TENM1: variants seen among roughly 807,000 people sequenced by gnomAD.
The protein encoded by TENM1 is teneurin-1.
TENM1 carries 35 observed loss-of-function variants against 174.8 expected under a neutral mutation model. The observed-to-expected ratio is 0.20, with a 90% confidence interval of 0.15 to 0.27. The LOEUF is 0.27. TENM1 is among the 10% of genes least tolerant of loss of function. TENM1 has a pLI of 1.00. For missense variants in TENM1, 1,633 were observed against 2,130.1 expected (o/e 0.77, Z 4.59); for synonymous variants, 781 against 798.7 (o/e 0.98, Z 0.37).
chrX:124,405,362 G>T, intron 26 of TENM1, 96 bp from the exon 30 acceptor site: 1 of 691,977 alleles, frequency 1.4e-6, no homozygotes, highest in Non-Finnish European at 2.2e-6. Flanking sequence ...ACGTTTGGGG[G>T]ATAAGCAGGT....
chrX:124,891,334 G>A (rs1176849918), intron 3 of TENM1, among the ~76,000 whole-genome samples: 1 of 111,373 alleles, frequency 9.0e-6, no homozygotes, highest in Non-Finnish European at 1.9e-5. Context: ...AATGATAAAT[G>A]CTTGAGGTGA....
chrX:124,880,593 T>C (rs1260256256), intron 3 of TENM1, among the ~76,000 whole-genome samples: 1 of 112,246 alleles, frequency 8.9e-6, no homozygotes, highest in Non-Finnish European at 1.9e-5. Flanking sequence ...GGTATCTTTG[T>C]CTTCTTCCAG....
chrX:124,572,269 C>CT (rs2049072006), intron 11 of TENM1, among the ~76,000 whole-genome samples: 1 of 111,992 alleles, frequency 8.9e-6, no homozygotes, highest in Non-Finnish European at 1.9e-5. Context: ...TTAGAAAAAT[C>CT]TATCAATGTA....
the TENM1 span, among the ~76,000 whole-genome samples, chrX:125,091,396 G>A: frequency 2.1e-3 from 234 of 111,225 alleles, 1 homozygote; most frequent in East Asian, 0.018. Context: ...AGCTGACTGT[G>A]GAGGAATAAA....
At chrX:124,901,877 T>G (rs370696609) in intron 1 of TENM1, among the ~76,000 whole-genome samples, 96 of 111,996 alleles carry the variant, frequency 8.6e-4, no homozygotes, top group African/African-American at 3.0e-3. Flanking sequence ...GTGATTAATT[T>G]TAACCATGAC....
the TENM1 span, among the ~76,000 whole-genome samples, chrX:125,081,255 C>T: frequency 9.0e-6 from 1 of 111,273 alleles, no homozygotes. Flanking sequence ...CATTCATTTG[C>T]TAGATTGTCG....
chrX:124,385,988 G>A, exon 29 of TENM1: 1 of 1,209,467 alleles, frequency 8.3e-7, no homozygotes, highest in Admixed American at 2.2e-5. Context: ...GCTAGGCATG[G>A]TGACTGAGAG....
intron 14 of TENM1, 128 bp downstream of exon 17, chrX:124,561,543 A>T: frequency 1.4e-6 from 1 of 735,666 alleles, no homozygotes; most frequent in African/African-American, 2.1e-5. Flanking sequence ...AAAAGGTAGC[A>T]TTACCCTATA....
At chrX:124,501,614 G>A (rs1337123737) in intron 19 of TENM1, among the ~76,000 whole-genome samples, 5 of 111,687 alleles carry the variant, frequency 4.5e-5, no homozygotes, top group African/African-American at 1.3e-4. Flanking sequence ...AAAGAGTTAC[G>A]TTTTTTTCCA....
At chrX:124,978,987 C>T in the TENM1 span, among the ~76,000 whole-genome samples, 10 of 112,014 alleles carry the variant, frequency 8.9e-5, no homozygotes, top group Non-Finnish European at 1.1e-4. Flanking sequence ...CCTTCCCCAC[C>T]GGCCCAAGTT....
chrX:124,381,427 A>G, intron 31 of TENM1, 133 bp from the exon 35 acceptor site: 1 of 589,852 alleles, frequency 1.7e-6, no homozygotes, highest in Non-Finnish European at 2.6e-6. Context: ...ATTTAAAAAT[A>G]AGCCAGATTT....
chrX:124,877,019 T>TA (rs1442912083), intron 3 of TENM1, among the ~76,000 whole-genome samples: 2 of 112,242 alleles, frequency 1.8e-5, no homozygotes, highest in Non-Finnish European at 3.8e-5. Context: ...ATAGTTTCCT[T>TA]AAAAAATCAT....
the TENM1 span, among the ~76,000 whole-genome samples, chrX:125,036,022 A>G: frequency 9.0e-6 from 1 of 111,624 alleles, no homozygotes; most frequent in African/African-American, 3.2e-5. Context: ...CAATTGAATC[A>G]TTATTAAAAT....
At chrX:125,131,814 G>A in the TENM1 span, among the ~76,000 whole-genome samples, 2 of 111,727 alleles carry the variant, frequency 1.8e-5, no homozygotes, top group South Asian at 7.5e-4. Flanking sequence ...TCCAATGGTT[G>A]TACATACTTG....
At chrX:124,424,133 T>A (rs778417021) in intron 23 of TENM1, among the ~76,000 whole-genome samples, 1 of 112,518 alleles carries the variant, frequency 8.9e-6, no homozygotes, top group African/African-American at 3.2e-5. Flanking sequence ...AGAAAATACA[T>A]TTCTGTTGTT....
chrX:124,632,065 G>A (rs1000262680), intron 11 of TENM1, among the ~76,000 whole-genome samples: 9 of 106,539 alleles, frequency 8.4e-5, no homozygotes, highest in East Asian at 3.0e-4. Context: ...GGAGCATGCC[G>A]CCACACTCAG....
chrX:125,005,841 GTAC>G, the TENM1 span, among the ~76,000 whole-genome samples: 258 of 111,707 alleles, frequency 2.3e-3, 1 homozygote, highest in African/African-American at 7.9e-3. Flanking sequence ...CCTACCCAGG[GTAC>G]TACACTTTTC....
intron 16 of TENM1, among the ~76,000 whole-genome samples, chrX:124,524,697 A>C (rs1008845418): frequency 8.9e-6 from 1 of 111,926 alleles, no homozygotes; most frequent in African/African-American, 3.3e-5. Context: ...CCTCTGCTGT[A>C]AGCCAGCTCT....
In TENM1 at chrX:124,580,870, C is replaced by A. The variant is rs1050051387; in HGVS notation, c.2078-15310G>T. On this transcript the variant is annotated intron_variant, in intron 11 of 31. Transcript: ENST00000422452. ...CCAACAGCTAGTTTTCAACCCTTCT[C>A]CCTCTCTTCCTCCCCCTATAGTAGT... Among the ~76,000 whole-genome samples the A allele has an allele frequency of 7.3e-5, 8 of 109,263 alleles. No individual in the cohort carries two copies. In the Admixed American group the frequency reaches 7.9e-4, roughly 11 times the overall value. 94.9% of individuals were successfully genotyped at this position (109,263 alleles called of 115,157 possible).
Sources: allele counts gnomAD v4.1 joint callset (sites outside exome capture counted in the v4.1 genomes callset), GRCh38; gene constraint gnomAD v4.1.1; transcripts MANE v1.5; gene names NCBI Gene and HGNC (gene_info 2026-07-23, HGNC 2026-07-21).